The following ARHGAP6 variants were observed in gnomAD, a reference collection of about 807,000 sequenced individuals.
ARHGAP6 encodes the protein rho GTPase-activating protein 6.
A neutral mutation model predicts 55.7 loss-of-function variants in ARHGAP6; 16 were observed. The observed-to-expected ratio is 0.29, with a 90% CI of 0.19 to 0.44. ARHGAP6 has a LOEUF of 0.44. ARHGAP6 is among the 20% of genes least tolerant of loss of function. The pLI, the probability that ARHGAP6 is intolerant of heterozygous loss-of-function variation, is 1.00. For missense variants in ARHGAP6, 698 were observed against 808.9 expected, an observed-to-expected ratio of 0.86 and a Z score of 1.66; for synonymous variants, 382 against 360.9, an observed-to-expected ratio of 1.06 and a Z score of -0.66.
At chrX:11,183,128 T>C (rs1312063012) in intron 5 of ARHGAP6, among the ~76,000 whole-genome samples, 1 of 111,470 alleles carries the variant, frequency 9.0e-6, no homozygotes, top group East Asian at 2.8e-4. Flanking sequence ...GGGTGTAGTG[T>C]ATACTGCTCG....
chrX:11,294,989 G>C lies in ARHGAP6; in HGVS notation c.589-40282C>G. Reference sequence around the variant, plus strand: ...TCTGGGTTGAAGAAACACTTCAGGAGCTTGTTTTAAAAAGGTATATTCTCA... The same window carrying C: ...TCTGGGTTGAAGAAACACTTCAGGACCTTGTTTTAAAAAGGTATATTCTCA... On this transcript the variant is annotated intron_variant, in intron 1 of 12. Coordinates refer to ENST00000337414, the MANE Select transcript of ARHGAP6 (RefSeq NM_013427.3). 4.4e-6 allele frequency: 3 copies of C among 683,632 alleles called. No individual in the cohort carries two copies. In the South Asian group the frequency reaches 7.5e-5, roughly 17 times the overall value. The allele number at this position is 683,632 out of a possible 1,213,427, so 56.3% of individuals were successfully genotyped here. A position where few individuals can be genotyped will look rare whatever the true frequency, so the allele number is the denominator to read the frequency against.
chrX:11,342,786 C>G (rs1332462203), intron 1 of ARHGAP6, among the ~76,000 whole-genome samples: 1 of 112,188 alleles, frequency 8.9e-6, no homozygotes, highest in African/African-American at 3.2e-5. Flanking sequence ...GTTTTATTAC[C>G]TCATGCATTT....
At chrX:11,292,585 G>C (rs1175997908) in intron 1 of ARHGAP6, among the ~76,000 whole-genome samples, 1 of 111,662 alleles carries the variant, frequency 9.0e-6, no homozygotes, top group Non-Finnish European at 1.9e-5. Flanking sequence ...GGCAAAGAAG[G>C]GCCGCCATAC....
chrX:11,324,500 A>G (rs1348158285), intron 1 of ARHGAP6, among the ~76,000 whole-genome samples: 1 of 111,211 alleles, frequency 9.0e-6, no homozygotes, highest in Non-Finnish European at 1.9e-5. Flanking sequence ...CTTATCAAAC[A>G]AGGGCAATTT....
intron 1 of ARHGAP6, among the ~76,000 whole-genome samples, chrX:11,256,036 C>G (rs761288399): frequency 9.0e-6 from 1 of 111,479 alleles, no homozygotes; most frequent in South Asian, 3.8e-4. Context: ...CTGGCCCACG[C>G]AGGGACTCAT....
chrX:11,335,656 G>C, intron 1 of ARHGAP6: 1 of 290,502 alleles, frequency 3.4e-6, no homozygotes, highest in South Asian at 3.7e-5. Flanking sequence ...AGTCTTTGCT[G>C]TTGTCTAAAT....
chrX:11,152,517 C>T (rs1482980751), intron 10 of ARHGAP6, among the ~76,000 whole-genome samples: 1 of 111,812 alleles, frequency 8.9e-6, no homozygotes, highest in Non-Finnish European at 1.9e-5. Flanking sequence ...CCCAGCTAGC[C>T]AACATATTTA....
intron 1 of ARHGAP6, among the ~76,000 whole-genome samples, chrX:11,410,897 AAAG>A (rs2049672353): frequency 9.2e-6 from 1 of 109,186 alleles, no homozygotes; most frequent in Non-Finnish European, 1.9e-5. Flanking sequence ...AATTTTCAAA[AAAG>A]AAGGAAGGAA....
intron 1 of ARHGAP6, among the ~76,000 whole-genome samples, chrX:11,628,812 C>T (rs148215372): frequency 5.3e-5 from 6 of 112,522 alleles, no homozygotes; most frequent in African/African-American, 1.6e-4. Flanking sequence ...TTGTTTTCTC[C>T]CTGCTTAAAT....
intron 2 of ARHGAP6, among the ~76,000 whole-genome samples, chrX:11,220,962 A>T (rs1010027669): frequency 3.6e-5 from 4 of 110,879 alleles, no homozygotes; most frequent in African/African-American, 1.3e-4. Flanking sequence ...TGGAAAACAA[A>T]AAAAGGCAGG....
intron 1 of ARHGAP6, among the ~76,000 whole-genome samples, chrX:11,528,367 C>A (rs941292410): frequency 8.9e-6 from 1 of 112,165 alleles, no homozygotes; most frequent in African/African-American, 3.2e-5. Context: ...TGAAGCCCTG[C>A]TAGTGAAGTC....
Position 11,186,295 on chromosome X carries a change from G to C in ARHGAP6, c.1214C>G (p.Pro405Arg). The C allele has an allele frequency of 8.3e-7, 1 of 1,211,442 alleles. No individual in the cohort carries two copies. Among genetic ancestry groups the C allele is most frequent in the Non-Finnish European group, 1.1e-6 (1 of 895,329 alleles). The change falls in exon 5 of 13, where the codon CCT becomes CGT. Residue 405 changes from proline to arginine, a missense_variant. Around this residue, in one of 3 missense-constraint regions of ARHGAP6, gnomAD observed 322 missense variants for 451.1 expected, o/e 0.71. Transcript: ENST00000337414. ...KARDKKLSLN[P>R]IYRQVPRLVD... The stretch of plus-strand genomic sequence containing the variant: ...CAGCCTAGGGACCTGTCTGTAAATA[G>C]GATTCAGACTGAGTTTCTTATCTCT...
chrX:11,517,604 A>G (rs1603239225), intron 1 of ARHGAP6, among the ~76,000 whole-genome samples: 3 of 111,629 alleles, frequency 2.7e-5, no homozygotes, highest in East Asian at 5.6e-4. Flanking sequence ...TTGGTTTAAA[A>G]TCATCAAGCA....
rs769567581 is a variant in ARHGAP6, at chrX:11,296,845, A to G, written c.589-42138T>C. On this transcript the variant is annotated intron_variant, in intron 1 of 12. Transcript: ENST00000337414. ...CTATGAGGTAATTTTTCTCTTTACTAATTTTGACCATTGTTTGCGTTAACA... is the reference window on the plus strand; with the variant it reads ...CTATGAGGTAATTTTTCTCTTTACTGATTTTGACCATTGTTTGCGTTAACA... The G allele has an allele frequency of 4.2e-6, 5 of 1,204,563 alleles. No individual in the cohort carries two copies. In the African/African-American group the frequency reaches 5.2e-5, roughly 13 times the overall value.
intron 2 of ARHGAP6, among the ~76,000 whole-genome samples, chrX:11,212,173 A>T (rs934094622): frequency 1.8e-5 from 2 of 111,829 alleles, no homozygotes; most frequent in Non-Finnish European, 3.8e-5. Context: ...TCTACCCAAA[A>T]ATGTTATAGT....
chrX:11,151,425 C>A (rs2045775735), intron 10 of ARHGAP6, among the ~76,000 whole-genome samples: 1 of 110,102 alleles, frequency 9.1e-6, no homozygotes, highest in Non-Finnish European at 1.9e-5. Flanking sequence ...CCACCATGCC[C>A]AGATAACTTT....
chrX:11,517,976 A>G (rs1603239404), intron 1 of ARHGAP6, among the ~76,000 whole-genome samples: 1 of 111,700 alleles, frequency 9.0e-6, no homozygotes, highest in African/African-American at 3.3e-5. Context: ...CGGAATTTAA[A>G]ATAAAAATAA....
chrX:11,333,932 G>C (rs766321561), intron 1 of ARHGAP6, among the ~76,000 whole-genome samples: 3 of 111,619 alleles, frequency 2.7e-5, no homozygotes, highest in Non-Finnish European at 5.6e-5. Context: ...AAGTTTTTTG[G>C]TGCTATGAGT....
At chrX:11,528,187 T>C (rs2051010654) in intron 1 of ARHGAP6, among the ~76,000 whole-genome samples, 2 of 112,281 alleles carry the variant, frequency 1.8e-5, no homozygotes, top group Non-Finnish European at 3.8e-5. Flanking sequence ...AAATTCTGTG[T>C]GTGTCTGTGT....
Sources: gnomAD v4.1 joint callset for allele counts (sites outside exome capture counted in the v4.1 genomes callset) on GRCh38, gnomAD v4.1.1 for gene constraint, gnomAD v4.1.1 regional missense constraint, MANE v1.5 for transcripts, NCBI Gene and HGNC (gene_info 2026-07-23, HGNC 2026-07-21) for gene names.